The following VRK3 variants were observed in gnomAD, a reference collection of about 807,000 sequenced individuals.
VRK3 encodes VRK serine/threonine kinase 3.
VRK3 carries 50 observed loss-of-function variants against 60.4 expected under a neutral mutation model. That is an observed-to-expected ratio of 0.83 (90% CI 0.66 to 1.05). VRK3 has a LOEUF of 1.05. VRK3 is among the 50% of genes least tolerant of loss of function. VRK3 has a pLI of 0.00. For synonymous variants in VRK3, 246 were observed against 227.8 expected (o/e 1.08, Z -0.72); for missense variants, 549 against 585.3 (o/e 0.94, Z 0.64).
intron 14 of VRK3, 140 bp from the exon 15 acceptor site, chr19:49,976,924 T>G (rs1011012339): frequency 6.6e-6 from 1 of 152,180 alleles, no homozygotes; most frequent in African/African-American, 2.4e-5. Context: ...CCATACGGGA[T>G]GAGGAGCCCC....
At chr19:49,999,248 A>C (rs1309496855) in intron 6 of VRK3, 1 of 152,326 alleles carries the variant, frequency 6.6e-6, no homozygotes. Flanking sequence ...TCCCTGCCCC[A>C]TCTTCTCCTC....
rs1408652791 is a variant in VRK3 at position 50,016,040 on chromosome 19, A to G, written c.123T>C (p.His41=). 4 of 1,614,080 alleles carry G rather than the reference A, an allele frequency of 2.5e-6. No individual in the cohort carries two copies. The African/African-American group carries it at 5.3e-5, about 22-fold the overall frequency. Reference sequence around the variant, plus strand: ...GGTTCTTACCTTGGAAGGATGACACATGTGGATTGACAAAGGTCTGGGACC... The same window carrying G: ...GGTTCTTACCTTGGAAGGATGACACGTGTGGATTGACAAAGGTCTGGGACC... ...HVGSQTFVNP[H]VSSFQGSKRG... The change falls in exon 3 of 15, where the codon CAT becomes CAC. Residue 41 remains histidine (H), a synonymous_variant. Coordinates refer to ENST00000316763, the MANE Select transcript of VRK3 (RefSeq NM_016440.4).
chr19:50,007,176 G>A (rs2076907966), intron 5 of VRK3, among the ~76,000 whole-genome samples: 1 of 152,104 alleles, frequency 6.6e-6, no homozygotes, highest in African/African-American at 2.4e-5. Context: ...CAGTCTCGAT[G>A]TTTGAACCAA....
intron 1 of VRK3, among the ~76,000 whole-genome samples, chr19:50,023,630 G>A (rs1041930160): frequency 5.9e-5 from 9 of 152,174 alleles, no homozygotes; most frequent in Admixed American, 5.9e-4. Flanking sequence ...TTGCCACAGT[G>A]TGCCCAGAGC....
Position 49,994,920 on chromosome 19 carries a change from C to G in VRK3, c.765-1G>C, listed in dbSNP as rs2076675392. 6.2e-7 allele frequency: 1 copy of G among 1,613,646 alleles called. No homozygotes were observed. Among genetic ancestry groups the G allele is most frequent in the Non-Finnish European group, 8.5e-7 (1 of 1,179,830 alleles). On this transcript the variant is annotated splice_acceptor_variant, in intron 8 of 14. Transcript: ENST00000316763. LOFTEE classifies it high-confidence loss of function. Reference sequence around the variant, plus strand: ...CCCCAGGCTGGGTAACACCAAGAACCTGGAAGACACAAGCACCCCAGGAGG... The same window carrying G: ...CCCCAGGCTGGGTAACACCAAGAACGTGGAAGACACAAGCACCCCAGGAGG...
intron 5 of VRK3, among the ~76,000 whole-genome samples, chr19:50,002,495 G>C (rs114777437): frequency 0.02 from 3,103 of 152,294 alleles, 103 homozygotes; most frequent in African/African-American, 0.071. Flanking sequence ...CATAGTAACA[G>C]TGCCTGTCTC....
intron 3 of VRK3, among the ~76,000 whole-genome samples, chr19:50,011,577 G>C (rs1171739310): frequency 6.6e-6 from 1 of 152,188 alleles, no homozygotes; most frequent in Middle Eastern, 3.4e-3. Context: ...AGCTCTCCAC[G>C]TCACCACAGT....
At chr19:50,002,547 G>C (rs2076824726) in intron 5 of VRK3, among the ~76,000 whole-genome samples, 1 of 152,148 alleles carries the variant, frequency 6.6e-6, no homozygotes, top group Non-Finnish European at 1.5e-5. Context: ...TACGTGCCCG[G>C]TACTCAGAGG....
chr19:49,992,646 TAGCC>T (rs2076630607), intron 10 of VRK3, among the ~76,000 whole-genome samples: 2 of 152,246 alleles, frequency 1.3e-5, no homozygotes, highest in African/African-American at 4.8e-5. Flanking sequence ...ATTATTTAGC[TAGCC>T]TGTGGATTTC....
At chr19:49,993,001 A>G (rs2076637681) in intron 9 of VRK3, 49 bp from the exon 10 acceptor site, 2 of 1,536,766 alleles carry the variant, frequency 1.3e-6, no homozygotes, top group Non-Finnish European at 1.8e-6. Context: ...CGACTAACAC[A>G]GAGAGGCTAT....
intron 5 of VRK3, among the ~76,000 whole-genome samples, chr19:50,003,116 TCAAGCGA>T (rs1007101457): frequency 5.3e-5 from 8 of 151,968 alleles, no homozygotes; most frequent in Admixed American, 1.3e-4. Flanking sequence ...ATTCGAAAGG[TCAAGCGA>T]CAAGCGGCAA....
rs1247179649 is a variant in VRK3, at chr19:49,995,244, T to C, written c.711A>G (p.Pro237=). ...CCATGCAGGTAGGGATGGCCAGCAG[T>C]GGGGTCGAGTACAGCTTCTTCCACT... ...VNKWKKLYST[P]LLAIPTCMGF... Residue 237 remains proline, a synonymous_variant, in exon 8 of 15, where the codon CCA becomes CCG. Transcript: ENST00000316763. 3 of 1,614,010 alleles carry C rather than the reference T, an allele frequency of 1.9e-6. No homozygotes were observed. The highest frequency in any genetic ancestry group is 8.5e-7 in the Non-Finnish European group (1 of 1,179,996).
At chr19:49,990,901 C>T (rs1423126347) in intron 10 of VRK3, among the ~76,000 whole-genome samples, 1 of 152,150 alleles carries the variant, frequency 6.6e-6, no homozygotes, top group Non-Finnish European at 1.5e-5. Flanking sequence ...CCTTCTACCT[C>T]AGCCTCCTGA....
At chr19:50,011,189 T>C (rs1297313459) in intron 3 of VRK3, among the ~76,000 whole-genome samples, 1 of 152,156 alleles carries the variant, frequency 6.6e-6, no homozygotes, top group Non-Finnish European at 1.5e-5. Context: ...CCAGGACAAA[T>C]AACACCTATG....
intron 12 of VRK3, 91 bp downstream of exon 12, chr19:49,988,281 C>T (rs2076551404): frequency 6.6e-7 from 1 of 1,519,486 alleles, no homozygotes; most frequent in East Asian, 2.4e-5. Context: ...ACCTCCCCTT[C>T]CCTCCTGCTC....
intron 1 of VRK3, among the ~76,000 whole-genome samples, chr19:50,023,758 T>G (rs1426211695): frequency 1.3e-5 from 2 of 151,988 alleles, no homozygotes; most frequent in African/African-American, 4.8e-5. Context: ...TCCCCAGCTG[T>G]GTCAGTACAC....
At chr19:50,005,149 CAG>C (rs1321097231) in intron 5 of VRK3, among the ~76,000 whole-genome samples, 4 of 149,014 alleles carry the variant, frequency 2.7e-5, no homozygotes, top group Non-Finnish European at 4.4e-5. Flanking sequence ...CCCCAGGAGA[CAG>C]GGGACAAGGC....
intron 3 of VRK3, among the ~76,000 whole-genome samples, chr19:50,014,059 G>A (rs1005885851): frequency 1.3e-5 from 2 of 152,156 alleles, no homozygotes; most frequent in Non-Finnish European, 2.9e-5. Context: ...TTGAGGCCAG[G>A]AGTTCAAGAC....
At chr19:50,019,919 C>G (rs1385079610) in intron 2 of VRK3, among the ~76,000 whole-genome samples, 1 of 151,762 alleles carries the variant, frequency 6.6e-6, no homozygotes, top group Non-Finnish European at 1.5e-5. Context: ...CACTCTGTCA[C>G]CCAGGCTGCA....
Sources: allele counts gnomAD v4.1 joint callset (sites outside exome capture counted in the v4.1 genomes callset), GRCh38; gene constraint gnomAD v4.1.1; transcripts MANE v1.5; gene names NCBI Gene and HGNC (gene_info 2026-07-23, HGNC 2026-07-21).